TRAPPC12: variants seen among roughly 807,000 people sequenced by gnomAD.
The protein encoded by TRAPPC12 is trafficking protein particle complex subunit 12.
Under a neutral mutation model 69.2 loss-of-function variants are expected in TRAPPC12, and 61 were observed. The observed-to-expected ratio is 0.88, with a 90% CI of 0.72 to 1.09. The LOEUF (loss-of-function observed/expected upper bound fraction) is 1.09, where lower values mean the gene tolerates loss of function less well. TRAPPC12 is among the 50% of genes least tolerant of loss of function. The probability of loss-of-function intolerance (pLI) is 0.00; values close to 1 mark genes in which losing one functional copy is unlikely to be tolerated. For synonymous variants in TRAPPC12, 469 were observed against 438.9 expected (o/e 1.07, Z -0.86); for missense variants, 1,101 against 1,016.4 (o/e 1.08, Z -1.13).
At chr2:3,410,072 C>A (rs1467748046) in intron 3 of TRAPPC12, among the ~76,000 whole-genome samples, 1 of 152,234 alleles carries the variant, frequency 6.6e-6, no homozygotes, top group African/African-American at 2.4e-5. Flanking sequence ...GTTATCGTCT[C>A]AGGGAATTGG....
chr2:3,383,168 T>C (rs1660304492), intron 1 of TRAPPC12, among the ~76,000 whole-genome samples: 1 of 152,226 alleles, frequency 6.6e-6, no homozygotes, highest in Non-Finnish European at 1.5e-5. Context: ...TAGGGATTCT[T>C]TATGTATTCT....
At chr2:3,397,142 G>T (rs1470319739) in intron 2 of TRAPPC12, among the ~76,000 whole-genome samples, 2 of 152,178 alleles carry the variant, frequency 1.3e-5, no homozygotes, top group African/African-American at 4.8e-5. Flanking sequence ...GGACATTGTG[G>T]ATTTCAGGTT....
intron 8 of TRAPPC12, among the ~76,000 whole-genome samples, chr2:3,461,781 C>A (rs1466895197): frequency 6.6e-6 from 1 of 151,204 alleles, no homozygotes; most frequent in Non-Finnish European, 1.5e-5. Flanking sequence ...CAGGGCTTGC[C>A]CACCTCTGAG....
chr2:3,448,264 C>G (rs555145203), intron 6 of TRAPPC12, among the ~76,000 whole-genome samples: 1 of 152,310 alleles, frequency 6.6e-6, no homozygotes, highest in South Asian at 2.1e-4. Flanking sequence ...GAAGCCTCAC[C>G]CTTGAGCACC....
chr2:3,416,186 T>C (rs915507388), intron 3 of TRAPPC12, among the ~76,000 whole-genome samples: 1 of 152,190 alleles, frequency 6.6e-6, no homozygotes, highest in African/African-American at 2.4e-5. Flanking sequence ...AGGTGCTTAG[T>C]AGATGCTTCT....
At chr2:3,456,438 G>C (rs931524969) in intron 6 of TRAPPC12, 11 of 152,194 alleles carry the variant, frequency 7.2e-5, no homozygotes, top group African/African-American at 2.7e-4. Flanking sequence ...GTGCCCAAAA[G>C]TTAAAAAGCA....
At chr2:3,438,566 T>C (rs1324613925) in intron 5 of TRAPPC12, among the ~76,000 whole-genome samples, 9 of 25,438 alleles carry the variant, frequency 3.5e-4, no homozygotes, top group South Asian at 1.3e-3. Flanking sequence ...TGATCCCCCC[T>C]CACCCCTGGA....
chr2:3,390,727 G>T (rs1357286497), intron 2 of TRAPPC12, among the ~76,000 whole-genome samples: 3 of 152,152 alleles, frequency 2.0e-5, no homozygotes, highest in Non-Finnish European at 4.4e-5. Context: ...CCTAATGTAA[G>T]CTGTAGACTT....
At chr2:3,400,404 G>C (rs2103465557) in intron 2 of TRAPPC12, among the ~76,000 whole-genome samples, 1 of 151,842 alleles carries the variant, frequency 6.6e-6, no homozygotes, top group African/African-American at 2.4e-5. Context: ...GATACTCACT[G>C]TCTCTGGCGT....
intron 9 of TRAPPC12, among the ~76,000 whole-genome samples, chr2:3,470,411 T>A (rs995411599): frequency 6.6e-6 from 1 of 152,276 alleles, no homozygotes. Context: ...TGGCCTGCAC[T>A]GCGTGCTGTC....
chr2:3,388,708 C>G (rs768533749), intron 2 of TRAPPC12, 38 bp downstream of exon 2: 1 of 1,487,442 alleles, frequency 6.7e-7, no homozygotes, highest in Non-Finnish European at 9.0e-7. Context: ...CCCGTGCCTC[C>G]TCTCTGCGTC....
intron 6 of TRAPPC12, chr2:3,455,096 G>C (rs1034121914): frequency 6.6e-6 from 1 of 152,288 alleles, no homozygotes; most frequent in African/African-American, 2.4e-5. Context: ...GGGCGTGTTC[G>C]AGGCTCCGCT....
chr2:3,446,900 C>T (rs553841638), intron 6 of TRAPPC12, among the ~76,000 whole-genome samples: 2 of 152,338 alleles, frequency 1.3e-5, no homozygotes, highest in East Asian at 3.9e-4. Flanking sequence ...CATCATGATC[C>T]TCCAGAATTT....
At chr2:3,431,128 A>G (rs549270598) in intron 5 of TRAPPC12, among the ~76,000 whole-genome samples, 5 of 152,194 alleles carry the variant, frequency 3.3e-5, no homozygotes, top group Non-Finnish European at 5.9e-5. Context: ...CCTCGTGCAC[A>G]CTTGTCAAAG....
chr2:3,420,369 CACGCTG>C (rs35010725), intron 3 of TRAPPC12, among the ~76,000 whole-genome samples: 44,856 of 151,940 alleles, frequency 0.3, 6,998 homozygotes, highest in Middle Eastern at 0.39. Context: ...TAGGCACGCA[CACGCTG>C]ACTCTGGATT....
At chr2:3,424,979 G>A (rs73131520) in intron 5 of TRAPPC12, among the ~76,000 whole-genome samples, 3,989 of 152,344 alleles carry the variant, frequency 0.026, 164 homozygotes, top group African/African-American at 0.091. Flanking sequence ...GGGAAGAGCC[G>A]TCCCATATCG....
chr2:3,467,809 T>C (rs1665885762), intron 9 of TRAPPC12: 1 of 152,308 alleles, frequency 6.6e-6, no homozygotes, highest in South Asian at 2.1e-4. Flanking sequence ...TCCAGACCTC[T>C]CCTGTGTTGG....
Position 3,388,335 on chromosome 2 carries a change from C to A in TRAPPC12, c.712C>A (p.Pro238Thr), listed in dbSNP as rs1240864311. The A allele has an allele frequency of 6.3e-7, 1 of 1,596,280 alleles. No homozygotes were observed. Among genetic ancestry groups the A allele is most frequent in the Admixed American group, 1.7e-5 (1 of 59,022 alleles). The change falls in exon 2 of 12, where the codon CCC (proline) becomes ACC (threonine). Residue 238 changes from proline (P) to threonine (T), a missense_variant. Transcript: ENST00000324266. ...TTSAFISVSN[P>T]GAGSPAPASP... Reference sequence around the variant, plus strand: ...CTCCGCCTTCATTTCCGTCAGCAATCCCGGCGCGGGCTCCCCGGCCCCCGC... The same window carrying A: ...CTCCGCCTTCATTTCCGTCAGCAATACCGGCGCGGGCTCCCCGGCCCCCGC...
At chr2:3,397,159 C>T (rs1179481727) in intron 2 of TRAPPC12, among the ~76,000 whole-genome samples, 2 of 152,120 alleles carry the variant, frequency 1.3e-5, no homozygotes, top group African/African-American at 4.8e-5. Flanking sequence ...GGTTGTGTGT[C>T]TAGCTTTTTC....
Sources: allele counts gnomAD v4.1 joint callset (sites outside exome capture counted in the v4.1 genomes callset), GRCh38; gene constraint gnomAD v4.1.1; transcripts MANE v1.5; gene names NCBI Gene and HGNC (gene_info 2026-07-23, HGNC 2026-07-21).